Variants in TEX2 observed in about 807,000 individuals in gnomAD.
TEX2 encodes testis-expressed protein 2.
A neutral mutation model predicts 106.9 loss-of-function variants in TEX2; 53 were observed. The observed-to-expected ratio is 0.50, with a 90% CI of 0.40 to 0.62. The LOEUF is 0.62. Ranked by LOEUF, TEX2 falls within the 20% of genes least tolerant of loss-of-function variation. The pLI, the probability that TEX2 is intolerant of heterozygous loss-of-function variation, is 0.00. For synonymous variants in TEX2, 523 were observed against 534.8 expected (o/e 0.98, Z 0.30); for missense variants, 1,207 against 1,379.0 (o/e 0.88, Z 1.98).
intron 7 of TEX2, among the ~76,000 whole-genome samples, chr17:64,166,234 G>A (rs1175337141): frequency 6.6e-6 from 1 of 152,206 alleles, no homozygotes; most frequent in African/African-American, 2.4e-5. Flanking sequence ...TACGTGCCAC[G>A]TGCTCCGAGT....
intron 1 of TEX2, chr17:64,255,720 G>A (rs2034171195): frequency 6.6e-6 from 1 of 152,190 alleles, no homozygotes. Context: ...CCTGTTTCAT[G>A]AAGTCCTCTC....
At position 64,188,223 on chromosome 17, in the gene TEX2, C is replaced by G. The variant is rs146986507; in HGVS notation, c.2369G>C (p.Ser790Thr). ...MGRCVPQESR[S>T]PQRSPLQSAE... ...ACTCTGCAGGGGGCTCCTCTGGGGG[C>G]TTCGGCTTTCCTGGGGGACACACCT... The change falls in exon 5 of 12, where the codon AGC becomes ACC. Residue 790 changes from serine (S) to threonine (T), a missense_variant. Ser to Thr is a moderately conservative substitution (Grantham distance 58). Coordinates refer to ENST00000584379, the MANE Select transcript of TEX2 (RefSeq NM_001288732.2). The G allele has an allele frequency of 1.2e-6, 2 of 1,613,094 alleles. No homozygotes were observed. Among genetic ancestry groups the G allele is most frequent in the Non-Finnish European group, 1.7e-6 (2 of 1,180,042 alleles).
chr17:64,164,671 A>C (rs868514963), intron 7 of TEX2, among the ~76,000 whole-genome samples: 3 of 152,222 alleles, frequency 2.0e-5, no homozygotes, highest in Admixed American at 2.0e-4. Context: ...AGCCAAAAGC[A>C]CTGAGATGAA....
intron 1 of TEX2, among the ~76,000 whole-genome samples, chr17:64,253,599 C>T (rs1332950986): frequency 6.6e-6 from 1 of 152,056 alleles, no homozygotes; most frequent in Non-Finnish European, 1.5e-5. Context: ...TTGCACCAAA[C>T]TAGAACAGTG....
At chr17:64,162,027 C>A (rs2030911364) in intron 7 of TEX2, among the ~76,000 whole-genome samples, 1 of 152,120 alleles carries the variant, frequency 6.6e-6, no homozygotes, top group South Asian at 2.1e-4. Context: ...TGGTGTCATT[C>A]CTCACTAAAG....
chr17:64,213,038 C>G lies in TEX2; in HGVS notation c.1180G>C (p.Gly394Arg). The G allele has an allele frequency of 6.2e-7, 1 of 1,614,230 alleles. No individual in the cohort carries two copies. Residue 394 changes from glycine (G) to arginine (R), a missense_variant, in exon 2 of 12, where the codon GGC becomes CGC. This residue lies in a region of TEX2 where 1,067 missense variants were observed against 1,193.6 expected (regional missense o/e 0.89). Transcript: ENST00000584379. The surrounding 1 kb of genome is among the most constrained non-coding windows in gnomAD (Gnocchi z 4.4). ...SSQGSSLKDL[G>R]LKTSSLVLEK... ...AGAACTAGAGAACTTGTCTTCAGGC[C>G]TAAATCCTTCAGACTGCTCCCCTGG... is the stretch of plus-strand genomic sequence containing the variant.
At chr17:64,256,753 G>C (rs932608432) in intron 1 of TEX2, among the ~76,000 whole-genome samples, 1 of 152,116 alleles carries the variant, frequency 6.6e-6, no homozygotes, top group East Asian at 1.9e-4. Flanking sequence ...ACAATGCTTG[G>C]CCCTGGTAGA....
chr17:64,158,129 C>T (rs145932189), intron 8 of TEX2, among the ~76,000 whole-genome samples: 22 of 152,296 alleles, frequency 1.4e-4, no homozygotes, highest in African/African-American at 5.3e-4. Context: ...GAAAAATGCC[C>T]ATGAAAATAC....
At chr17:64,222,811 C>T (rs1454424026) in intron 1 of TEX2, among the ~76,000 whole-genome samples, 3 of 150,808 alleles carry the variant, frequency 2.0e-5, no homozygotes, top group African/African-American at 7.3e-5. Flanking sequence ...ATTTATGCTC[C>T]CATACATTTG....
In TEX2 at chr17:64,188,132, A is replaced by C. The variant is rs540953651; in HGVS notation, c.2424+36T>G. 2.3e-5 allele frequency: 36 copies of C among 1,591,682 alleles called. 1 individual carries two copies. The South Asian group carries it at 4.0e-4, about 18-fold the overall frequency. On this transcript the variant is annotated intron_variant, in intron 5 of 11. Coordinates refer to ENST00000584379, the MANE Select transcript of TEX2 (RefSeq NM_001288732.2). Reference sequence around the variant, plus strand: ...GCATGAAGAAATGTGTCTAAGTCGAAAAGTGAAAAAGGTCCGGCCCAGCAG... The same window carrying C: ...GCATGAAGAAATGTGTCTAAGTCGACAAGTGAAAAAGGTCCGGCCCAGCAG...
In TEX2 at chr17:64,239,904, A is replaced by AAAAAAAAAAAAAG. The variant is rs781859721; in HGVS notation, c.-26+23263_-26+23264insCTTTTTTTTTTTT. The stretch of plus-strand genomic sequence containing the variant: ...AAAAAAAAAAAAAAAAAAAAAAAAA[A>AAAAAAAAAAAAAG]GCAGAGAAGATAAGAGAAGAGAAAT... On this transcript the variant is annotated intron_variant, in intron 1 of 11. Transcript: ENST00000584379. 2.6e-4 allele frequency among the ~76,000 whole-genome samples: 31 copies of AAAAAAAAAAAAAG among 118,840 alleles called. 3 individuals are homozygous for AAAAAAAAAAAAAG. The highest frequency in any genetic ancestry group is 1.1e-3 in the South Asian group (4 of 3,582). 78.0% of individuals were successfully genotyped at this position (118,840 alleles called of 152,430 possible). A position where few individuals can be genotyped will look rare whatever the true frequency, so the allele number is the denominator to read the frequency against.
intron 7 of TEX2, among the ~76,000 whole-genome samples, chr17:64,167,636 G>T (rs1972952): frequency 1.3e-5 from 2 of 151,768 alleles, no homozygotes; most frequent in East Asian, 1.9e-4. Context: ...CTGGCCAACA[G>T]GGAGAAACCC....
chr17:64,170,782 G>A (rs747936292), intron 7 of TEX2, among the ~76,000 whole-genome samples: 2 of 151,840 alleles, frequency 1.3e-5, no homozygotes, highest in Admixed American at 1.3e-4. Context: ...ACAGGCACCC[G>A]CCACCACGCC....
At chr17:64,175,174 G>A (rs2031569494) in intron 6 of TEX2, among the ~76,000 whole-genome samples, 1 of 152,222 alleles carries the variant, frequency 6.6e-6, no homozygotes, top group African/African-American at 2.4e-5. Flanking sequence ...CGTAGGGGCG[G>A]TGACAGCTTC....
rs1555632768 is a variant in TEX2 at position 64,217,330 on chromosome 17, C to T, written c.-25-3088G>A. 6.6e-6 allele frequency among the ~76,000 whole-genome samples: 1 copy of T among 152,198 alleles called. No homozygotes were observed. The highest frequency in any genetic ancestry group is 2.4e-5 in the African/African-American group (1 of 41,454). ...CGACCCTCCCACAGCCACAGCCATGCAGGACAGCCAAGGCCAAGAGGAAGG... is the reference window on the plus strand; with the variant it reads ...CGACCCTCCCACAGCCACAGCCATGTAGGACAGCCAAGGCCAAGAGGAAGG... On this transcript the variant is annotated intron_variant, in intron 1 of 11. Coordinates refer to ENST00000584379, the MANE Select transcript of TEX2 (RefSeq NM_001288732.2). The surrounding 1 kb of genome is among the most constrained non-coding windows in gnomAD (Gnocchi z 4.3).
chr17:64,245,783 G>A (rs548266512), intron 1 of TEX2, among the ~76,000 whole-genome samples: 4 of 56,574 alleles, frequency 7.1e-5, no homozygotes, highest in Admixed American at 4.8e-4. Flanking sequence ...TGGACAAGAC[G>A]GAAGGGAGCC....
chr17:64,221,439 T>C (rs1368400434), intron 1 of TEX2, among the ~76,000 whole-genome samples: 1 of 152,142 alleles, frequency 6.6e-6, no homozygotes, highest in East Asian at 1.9e-4. Flanking sequence ...AACAAGCACA[T>C]GGAAAGATGC....
In TEX2 at chr17:64,162,641, G is replaced by A. The variant is rs1231616389; in HGVS notation, c.2672-1708C>T. 3.3e-5 allele frequency among the ~76,000 whole-genome samples: 5 copies of A among 152,148 alleles called. No individual in the cohort carries two copies. In the South Asian group the frequency reaches 6.2e-4, roughly 19 times the overall value. Reference sequence around the variant, plus strand: ...AAACTGCTGGCTCATGCCCAGTCACGGGGACATTCTACCAAATGATGTGTG... The same window carrying A: ...AAACTGCTGGCTCATGCCCAGTCACAGGGACATTCTACCAAATGATGTGTG... On this transcript the variant is annotated intron_variant, in intron 7 of 11. Coordinates refer to ENST00000584379, the MANE Select transcript of TEX2 (RefSeq NM_001288732.2).
intron 5 of TEX2, among the ~76,000 whole-genome samples, chr17:64,184,843 CTT>C (rs2032016723): frequency 6.6e-6 from 1 of 152,180 alleles, no homozygotes; most frequent in Admixed American, 6.5e-5. Flanking sequence ...AGAGACTATT[CTT>C]TCTCTCCACT....
Sources: allele counts gnomAD v4.1 joint callset (sites outside exome capture counted in the v4.1 genomes callset), GRCh38; gene constraint gnomAD v4.1.1; regional missense constraint gnomAD v4.1.1; non-coding constraint Gnocchi (gnomAD v3.1); transcripts MANE v1.5; gene names NCBI Gene and HGNC (gene_info 2026-07-23, HGNC 2026-07-21).